SCFD2: variants seen among roughly 807,000 people sequenced by gnomAD.
The protein encoded by SCFD2 is sec1 family domain containing 2.
SCFD2 carries 54 observed loss-of-function variants against 58.9 expected under a neutral mutation model. That is an observed-to-expected ratio of 0.92 (90% CI 0.74 to 1.15). The LOEUF is 1.15. Ranked by LOEUF, SCFD2 falls within the 50% of genes most tolerant of loss-of-function variation. The pLI is 0.00. For missense variants in SCFD2, 805 were observed against 836.6 expected, an observed-to-expected ratio of 0.96 and a Z score of 0.47; for synonymous variants, 321 against 335.9, an observed-to-expected ratio of 0.96 and a Z score of 0.49.
intron 2 of SCFD2, among the ~76,000 whole-genome samples, chr4:53,343,567 G>A (rs549806515): frequency 7.2e-5 from 11 of 152,106 alleles, no homozygotes; most frequent in East Asian, 1.9e-4. Flanking sequence ...TATTCCAACT[G>A]ATAGAAAAAG....
intron 5 of SCFD2, among the ~76,000 whole-genome samples, chr4:52,937,845 G>A (rs1395300378): frequency 6.6e-6 from 1 of 152,138 alleles, no homozygotes; most frequent in Non-Finnish European, 1.5e-5. Context: ...TTACTTACTG[G>A]TTCATTCTGG....
At position 53,202,357 on chromosome 4, in the gene SCFD2, A is replaced by G. The variant is rs527494508; in HGVS notation, c.1312-56775T>C. 4.3e-4 allele frequency among the ~76,000 whole-genome samples: 65 copies of G among 151,980 alleles called. 1 individual carries two copies. In the South Asian group the frequency reaches 0.012, roughly 29 times the overall value. On this transcript the variant is annotated intron_variant, in intron 4 of 8. Coordinates refer to ENST00000401642, the MANE Select transcript of SCFD2 (RefSeq NM_152540.4). Reference sequence around the variant, plus strand: ...CTGTAGATACGTGGCATTATTTCTGAGGGCTCTGTTCTGTTCCATTGGTCT... The same window carrying G: ...CTGTAGATACGTGGCATTATTTCTGGGGGCTCTGTTCTGTTCCATTGGTCT...
At chr4:52,988,666 T>G (rs939573133) in intron 5 of SCFD2, among the ~76,000 whole-genome samples, 1 of 152,188 alleles carries the variant, frequency 6.6e-6, no homozygotes, top group Non-Finnish European at 1.5e-5. Flanking sequence ...CAAACCTCCA[T>G]TTTAATAGTA....
chr4:53,230,947 T>A (rs898900011), intron 4 of SCFD2, among the ~76,000 whole-genome samples: 1 of 152,136 alleles, frequency 6.6e-6, no homozygotes, highest in Non-Finnish European at 1.5e-5. Flanking sequence ...ATGCTTCTTA[T>A]AGGTCAGGCA....
intron 7 of SCFD2, among the ~76,000 whole-genome samples, chr4:52,899,472 C>T (rs567059298): frequency 3.9e-5 from 6 of 152,300 alleles, no homozygotes; most frequent in East Asian, 3.9e-4. Flanking sequence ...ATGTTGAATA[C>T]TGGCCCCCAC....
rs183107423 is a variant in SCFD2, at chr4:52,886,140, C to G, written c.1843-274G>C. Reference sequence around the variant, plus strand: ...TCCTCTGATTGATCCCTACCCTTCACCTATTTTACATATACCTACCCTTCC... The same window carrying G: ...TCCTCTGATTGATCCCTACCCTTCAGCTATTTTACATATACCTACCCTTCC... On this transcript the variant is annotated intron_variant, in intron 7 of 8. Transcript: ENST00000401642. Among the ~76,000 whole-genome samples the G allele has an allele frequency of 2.0e-5, 3 of 152,334 alleles. No individual in the cohort carries two copies. In the East Asian group the frequency reaches 5.8e-4, roughly 29 times the overall value.
At chr4:52,952,418 G>A (rs970740905) in intron 5 of SCFD2, among the ~76,000 whole-genome samples, 4 of 152,020 alleles carry the variant, frequency 2.6e-5, no homozygotes, top group Non-Finnish European at 5.9e-5. Flanking sequence ...TCTGCTCCAA[G>A]GGAATGAATA....
chr4:53,043,683 T>C (rs764802308), intron 5 of SCFD2, among the ~76,000 whole-genome samples: 1 of 152,180 alleles, frequency 6.6e-6, no homozygotes, highest in Non-Finnish European at 1.5e-5. Context: ...TTTTATGTAC[T>C]ACAAGAAAAG....
chr4:52,877,508 T>C (rs545534184), intron 8 of SCFD2, among the ~76,000 whole-genome samples: 81 of 152,162 alleles, frequency 5.3e-4, no homozygotes, highest in Non-Finnish European at 8.5e-4. Context: ...GAGAAGTTGC[T>C]TAACCACACT....
chr4:53,263,748 G>A (rs775438244), intron 4 of SCFD2, among the ~76,000 whole-genome samples: 93 of 152,274 alleles, frequency 6.1e-4, no homozygotes, highest in Middle Eastern at 6.8e-3. Flanking sequence ...AGGAGGTGGC[G>A]CTTTCAAGAG....
At chr4:53,278,528 C>CAA (rs34375006) in intron 3 of SCFD2, among the ~76,000 whole-genome samples, 7 of 119,382 alleles carry the variant, frequency 5.9e-5, no homozygotes, top group Non-Finnish European at 1.1e-4. Flanking sequence ...GACTCCATCT[C>CAA]AAAAAAAAAA....
Position 52,931,134 on chromosome 4 carries a change from G to A in SCFD2, c.1562-10264C>T, listed in dbSNP as rs78357363. On this transcript the variant is annotated intron_variant, in intron 5 of 8. Transcript: ENST00000401642. ...CAAACAGGCATATCTCACTAGAAGTGCTTCCTAAAAGGTGGATTGTTTTTA... is the reference window on the plus strand; with the variant it reads ...CAAACAGGCATATCTCACTAGAAGTACTTCCTAAAAGGTGGATTGTTTTTA... Among the ~76,000 whole-genome samples, 13 of 152,296 alleles carry A rather than the reference G, an allele frequency of 8.5e-5. No homozygotes were observed. In the East Asian group the frequency reaches 2.1e-3, roughly 25 times the overall value.
chr4:53,344,878 G>C (rs1324552859), intron 2 of SCFD2, among the ~76,000 whole-genome samples: 3 of 152,094 alleles, frequency 2.0e-5, no homozygotes, highest in Non-Finnish European at 4.4e-5. Flanking sequence ...AATGGTGCTG[G>C]GATAAGTGAC....
intron 5 of SCFD2, among the ~76,000 whole-genome samples, chr4:53,014,215 T>C (rs555461458): frequency 6.6e-6 from 1 of 152,310 alleles, no homozygotes; most frequent in African/African-American, 2.4e-5. Context: ...AAGGAGTTGG[T>C]ATGGAGATGG....
intron 4 of SCFD2, among the ~76,000 whole-genome samples, chr4:53,209,424 A>G (rs1378082407): frequency 6.6e-6 from 1 of 152,180 alleles, no homozygotes; most frequent in Non-Finnish European, 1.5e-5. Flanking sequence ...TCAAAGACCA[A>G]GTGGAAGTTC....
At chr4:53,353,314 C>T (rs1419054344) in intron 1 of SCFD2, among the ~76,000 whole-genome samples, 1 of 152,134 alleles carries the variant, frequency 6.6e-6, no homozygotes, top group Non-Finnish European at 1.5e-5. Flanking sequence ...CGTGGTCTCA[C>T]TGGCCTTAGG....
chr4:53,184,899 G>C (rs1727695455), intron 4 of SCFD2, among the ~76,000 whole-genome samples: 1 of 152,092 alleles, frequency 6.6e-6, no homozygotes, highest in South Asian at 2.1e-4. Context: ...TTCCTGGTGA[G>C]CAAGCATTCT....
chr4:53,131,478 A>G (rs28756271), intron 5 of SCFD2, among the ~76,000 whole-genome samples: 6,031 of 152,266 alleles, frequency 0.04, 275 homozygotes, highest in African/African-American at 0.11. Context: ...CTCCTGAGAT[A>G]ATGGTGTGAC....
At chr4:53,329,167 A>C (rs1733330970) in intron 2 of SCFD2, among the ~76,000 whole-genome samples, 1 of 152,180 alleles carries the variant, frequency 6.6e-6, no homozygotes, top group South Asian at 2.1e-4. Context: ...GAGGCTGGGG[A>C]AGAGGCGCCC....
Sources: allele counts gnomAD v4.1 joint callset (sites outside exome capture counted in the v4.1 genomes callset), GRCh38; gene constraint gnomAD v4.1.1; transcripts MANE v1.5; gene names NCBI Gene and HGNC (gene_info 2026-07-23, HGNC 2026-07-21).